The following IL31 variants were observed in gnomAD, a reference collection of about 807,000 sequenced individuals.
The protein encoded by IL31 is interleukin-31.
Under a neutral mutation model 7.8 loss-of-function variants are expected in IL31, and 8 were observed. The observed-to-expected ratio is 1.02, with a 90% confidence interval of 0.60 to 1.84. The LOEUF is 1.84. IL31 is among the 40% of genes most tolerant of loss of function. The pLI, the probability that IL31 is intolerant of heterozygous loss-of-function variation, is 0.00. For missense variants in IL31, 162 were observed against 205.6 expected, an observed-to-expected ratio of 0.79 and a Z score of 1.30; for synonymous variants, 87 against 86.5, an observed-to-expected ratio of 1.01 and a Z score of -0.03.
chr12:122,172,893 C>A (rs944665586), intron 2 of IL31, 152 bp from the exon 3 acceptor site: 4 of 669,546 alleles, frequency 6.0e-6, no homozygotes, highest in Middle Eastern at 4.1e-4. Context: ...CATCACCAAC[C>A]CCATTTCCAG....
chr12:122,172,329 C>A lies in IL31; in HGVS notation c.*83G>T. ...CATTGGAAAAATGTACTTAAGGAAT[C>A]ACGGCAGAGTTCCCACACTTAGCTG... On this transcript the variant is annotated 3_prime_UTR_variant, in exon 3 of 3. Coordinates refer to ENST00000377035, the MANE Select transcript of IL31 (RefSeq NM_001014336.2). 1 of 986,770 alleles carries A rather than the reference C, an allele frequency of 1.0e-6. No individual in the cohort carries two copies. The highest frequency in any genetic ancestry group is 1.5e-6 in the Non-Finnish European group (1 of 649,174). The allele number at this position is 986,770 out of a possible 1,614,324, so 61.1% of individuals were successfully genotyped here.
intron 1 of IL31, 75 bp downstream of exon 1, chr12:122,174,082 G>C: frequency 6.2e-7 from 1 of 1,613,782 alleles, no homozygotes; most frequent in Non-Finnish European, 8.5e-7. Context: ...CCAACCCTGG[G>C]GGTAGTGCTT....
In IL31 at chr12:122,172,080, A is replaced by G. The variant is rs908288850; in HGVS notation, c.*332T>C. Reference sequence around the variant, plus strand: ...TTAAATAGATTCCGAGGGCTCCCCCAGGGAGCATTGACAACTCTTAGTACA... The same window carrying G: ...TTAAATAGATTCCGAGGGCTCCCCCGGGGAGCATTGACAACTCTTAGTACA... On this transcript the variant is annotated 3_prime_UTR_variant, in exon 3 of 3. Transcript: ENST00000377035. The G allele has an allele frequency of 8.2e-5, 16 of 195,660 alleles. No individual in the cohort carries two copies. Among genetic ancestry groups the G allele is most frequent in the Non-Finnish European group, 1.4e-4 (13 of 95,512 alleles). The allele number at this position is 195,660 out of a possible 1,614,324, so 12.1% of individuals were successfully genotyped here.
At position 122,173,986 on chromosome 12, in the gene IL31, G is replaced by T. The variant is rs143062271; in HGVS notation, c.23C>A (p.Ser8Ter). Residue 8 changes from serine (S) to a stop codon, truncating the protein, a stop_gained, in exon 2 of 3, where the codon TCG (serine) becomes TAG (stop). Coordinates refer to ENST00000377035, the MANE Select transcript of IL31 (RefSeq NM_001014336.2). LOFTEE classifies it high-confidence loss of function. ...GCAGAACAGAAAGAGCACAGACGTCGAGGGGCCTGGAGAGAGAACGATGCC... is the reference window on the plus strand; with the variant it reads ...GCAGAACAGAAAGAGCACAGACGTCTAGGGGCCTGGAGAGAGAACGATGCC... MASHSGP[S>*]TSVLFLFCCL... The T allele has an allele frequency of 1.2e-6, 2 of 1,613,882 alleles. No individual in the cohort carries two copies. The highest frequency in any genetic ancestry group is 3.3e-5 in the Admixed American group (2 of 59,966).
chr12:122,173,055 C>T (rs186679426), intron 2 of IL31, among the ~76,000 whole-genome samples: 3 of 152,254 alleles, frequency 2.0e-5, no homozygotes, highest in African/African-American at 7.2e-5. Context: ...GGCAGCTCCC[C>T]GCCCTTTGGG....
intron 1 of IL31, 32 bp from the exon 2 acceptor site, chr12:122,174,024 A>G (rs957342445): frequency 3.1e-6 from 5 of 1,613,456 alleles, no homozygotes; most frequent in Non-Finnish European, 4.2e-6. Context: ...GAGCGCATAC[A>G]TCACACACCC....
chr12:122,172,237 G>T lies in IL31; in HGVS notation c.*175C>A. 1 of 577,200 alleles carries T rather than the reference G, an allele frequency of 1.7e-6. No individual in the cohort carries two copies. 35.8% of individuals were successfully genotyped at this position (577,200 alleles called of 1,614,324 possible). ...ATAACAATAACCTAATGTTTTTCAA[G>T]GTAATTCACAAATTCACATCTCAGC... On this transcript the variant is annotated 3_prime_UTR_variant, in exon 3 of 3. Transcript: ENST00000377035.
intron 1 of IL31, 57 bp downstream of exon 1, chr12:122,174,100 C>T: frequency 1.2e-6 from 2 of 1,614,032 alleles, no homozygotes; most frequent in Non-Finnish European, 1.7e-6. Flanking sequence ...CTTCCAGAAT[C>T]TTCCTGGTGA....
Position 122,172,423 on chromosome 12 carries a change from C to T in IL31, c.484G>A (p.Ala162Thr). 2 of 1,612,244 alleles carry T rather than the reference C, an allele frequency of 1.2e-6. No homozygotes were observed. The highest frequency in any genetic ancestry group is 1.7e-6 in the Non-Finnish European group (2 of 1,178,648). ...LKSLTSGAQQ[A>T]TT ...AGGAAGAGATGGCCTTAAGTGGTGG[C>T]CTGTTGGGCTCCAGAGGTCAATGAT... The change falls in exon 3 of 3, where the codon GCC (alanine) becomes ACC (threonine). Residue 162 changes from alanine to threonine, a missense_variant. Transcript: ENST00000377035.
intron 2 of IL31, 137 bp downstream of exon 2, chr12:122,173,707 T>C (rs1470947431): frequency 2.9e-5 from 21 of 727,512 alleles, no homozygotes; most frequent in Non-Finnish European, 3.9e-5. Flanking sequence ...AAGCCATCTT[T>C]GCCTGTCTAG....
At position 122,172,180 on chromosome 12, in the gene IL31, A is replaced by G. The variant is rs1953491080; in HGVS notation, c.*232T>C. 1 of 467,072 alleles carries G rather than the reference A, an allele frequency of 2.1e-6. No homozygotes were observed. Among genetic ancestry groups the G allele is most frequent in the South Asian group, 2.6e-5 (1 of 38,708 alleles). 28.9% of individuals were successfully genotyped at this position (467,072 alleles called of 1,614,324 possible). ...TATAATAAGTAAGACTTAAGCCTGC[A>G]GAAGAAAAGCATTCCATAAATACCA... On this transcript the variant is annotated 3_prime_UTR_variant, in exon 3 of 3. Transcript: ENST00000377035.
rs766139615 is a variant in IL31, at chr12:122,172,614, A to G, written c.293T>C (p.Leu98Pro). Residue 98 changes from leucine (L) to proline (P), a missense_variant, in exon 3 of 3, where the codon CTA (leucine) becomes CCA (proline). Physicochemically the swap from Leu to Pro is moderately conservative, Grantham distance 98. Transcript: ENST00000377035. ...IRAYLKTIRQ[L>P]DNKSVIDEII... ...CTCATCAATAACAGATTTGTTGTCT[A>G]GCTGTCTGATTGTCTTGAGATATGC... 3 of 1,614,124 alleles carry G rather than the reference A, an allele frequency of 1.9e-6. No homozygotes were observed. In the East Asian group the frequency reaches 6.7e-5, roughly 36 times the overall value.
In IL31 at chr12:122,173,859, C is replaced by A. The variant is rs1257833929; in HGVS notation, c.150G>T (p.Lys50Asn). The change falls in exon 2 of 3, where the codon AAG becomes AAT. Residue 50 changes from lysine (K) to asparagine (N), a missense_variant. Coordinates refer to ENST00000377035, the MANE Select transcript of IL31 (RefSeq NM_001014336.2). ...GGACACTCACATCTTTCAAAAGCAT[C>A]TTCGAGAGGGACTGTAATTCCTCGA... is the stretch of plus-strand genomic sequence containing the variant. ...KIVEELQSLS[K>N]MLLKDVEEEK... 6.2e-7 allele frequency: 1 copy of A among 1,613,962 alleles called. No homozygotes were observed. The highest frequency in any genetic ancestry group is 1.7e-5 in the Admixed American group (1 of 59,970).
In IL31 at chr12:122,173,898, A is replaced by G. The variant is rs761810883; in HGVS notation, c.111T>C (p.Asp37=). The change falls in exon 2 of 3, where the codon GAT becomes GAC. Residue 37 remains aspartate, a synonymous_variant. Coordinates refer to ENST00000377035, the MANE Select transcript of IL31 (RefSeq NM_001014336.2). ...GTAATTCCTCGACTATTTTCTGTAC[A>G]TCATCACTTGGTCGTAGTAAACGGA... ...LPVRLLRPSD[D]VQKIVEELQS... 5.6e-6 allele frequency: 9 copies of G among 1,614,138 alleles called. No homozygotes were observed. The highest frequency in any genetic ancestry group is 3.3e-5 in the Admixed American group (2 of 60,014).
Position 122,174,167 on chromosome 12 carries a change from G to A in IL31, c.6C>T (p.Ala2=). 3 of 1,614,160 alleles carry A rather than the reference G, an allele frequency of 1.9e-6. No homozygotes were observed. The highest frequency in any genetic ancestry group is 1.7e-6 in the Non-Finnish European group (2 of 1,180,046). The change falls in exon 1 of 3, where the codon GCC becomes GCT. Residue 2 remains alanine (A), a synonymous_variant. Transcript: ENST00000377035. The stretch of plus-strand genomic sequence containing the variant: ...CAGGACCAGTGATACCTGAGTGAGA[G>A]GCCATGGCGAGAGAGAGCAAGGCCA... The part of the protein sequence containing the change: M[A]SHSGPSTSVL...
intron 2 of IL31, among the ~76,000 whole-genome samples, chr12:122,173,003 G>A (rs935795744): frequency 6.6e-6 from 1 of 152,040 alleles, no homozygotes. Flanking sequence ...CCACTCTCAC[G>A]TGCTCAGGGT....
chr12:122,172,839 T>G, intron 2 of IL31, 98 bp from the exon 3 acceptor site: 2 of 925,572 alleles, frequency 2.2e-6, no homozygotes, highest in East Asian at 2.6e-5. Flanking sequence ...CCCGCCTCGT[T>G]GATATATTTA....
intron 2 of IL31, among the ~76,000 whole-genome samples, chr12:122,173,354 G>A (rs1045462002): frequency 6.6e-6 from 1 of 152,212 alleles, no homozygotes; most frequent in African/African-American, 2.4e-5. Flanking sequence ...CCAATTTTAT[G>A]AATTGTTTCC....
chr12:122,173,744 T>C, intron 2 of IL31, 100 bp downstream of exon 2: 1 of 1,029,732 alleles, frequency 9.7e-7, no homozygotes, highest in Non-Finnish European at 1.5e-6. Context: ...CTGGCATAGC[T>C]ACAGCCCTGG....
Sources: allele counts gnomAD v4.1 joint callset (sites outside exome capture counted in the v4.1 genomes callset), GRCh38; gene constraint gnomAD v4.1.1; transcripts MANE v1.5; gene names NCBI Gene and HGNC (gene_info 2026-07-23, HGNC 2026-07-21).